DNAJC6: variants seen among roughly 807,000 people sequenced by gnomAD.
DNAJC6 encodes DnaJ heat shock protein family (Hsp40) member C6.
A neutral mutation model predicts 110.0 loss-of-function variants in DNAJC6; 34 were observed. The observed-to-expected ratio is 0.31, with a 90% CI of 0.24 to 0.41. The LOEUF is 0.41. DNAJC6 is among the 10% of genes least tolerant of loss of function. The pLI is 1.00. For synonymous variants in DNAJC6, 406 were observed against 437.2 expected (o/e 0.93, Z 0.89); for missense variants, 1,031 against 1,207.8 (o/e 0.85, Z 2.17).
chr1:65,399,509 T>G (rs1417442331), intron 14 of DNAJC6, among the ~76,000 whole-genome samples: 5 of 152,108 alleles, frequency 3.3e-5, no homozygotes, highest in Admixed American at 2.6e-4. Flanking sequence ...TCTGAAGCAG[T>G]TGCTGTTTCC....
chr1:65,344,913 C>G (rs1645423441), intron 1 of DNAJC6, among the ~76,000 whole-genome samples: 3 of 152,138 alleles, frequency 2.0e-5, no homozygotes, highest in Admixed American at 6.5e-5. Flanking sequence ...GTATACATTT[C>G]AAATCCCCAT....
upstream of DNAJC6, among the ~76,000 whole-genome samples, chr1:65,307,018 C>CTCTCTCTATATATA (rs1465563773): frequency 4.2e-5 from 3 of 70,696 alleles, no homozygotes; most frequent in African/African-American, 1.6e-4. Flanking sequence ...CTCTCTCTCT[C>CTCTCTCTATATATA]TATATATATA....
chr1:65,358,957 A>G (rs1469925374), intron 1 of DNAJC6, among the ~76,000 whole-genome samples: 1 of 152,204 alleles, frequency 6.6e-6, no homozygotes, highest in Non-Finnish European at 1.5e-5. Context: ...CTGAATAAGC[A>G]TATGAGGGGA....
chr1:65,392,880 G>T lies in DNAJC6; in HGVS notation c.1903+15G>T. 6.7e-7 allele frequency: 1 copy of T among 1,492,490 alleles called. No individual in the cohort carries two copies. The allele number at this position is 1,492,490 out of a possible 1,614,324, so 92.5% of individuals were successfully genotyped here. A position where few individuals can be genotyped will look rare whatever the true frequency, so the allele number is the denominator to read the frequency against. On this transcript the variant is annotated intron_variant, in intron 12 of 18. Coordinates refer to ENST00000371069, the MANE Select transcript of DNAJC6 (RefSeq NM_001256864.2). ...AGTGGGAGAAGGTAATTTTTTCTAT[G>T]TTGCACTGTGCCTCTCAGATTTGAA...
In DNAJC6 at chr1:65,366,167, T is replaced by A; in HGVS notation, c.514T>A (p.Ser172Thr). Residue 172 changes from serine (S) to threonine (T), a missense_variant, in exon 4 of 19, where the codon TCT (serine) becomes ACT (threonine). Transcript: ENST00000371069. ...HYTVYNLSPK[S>T]YRTAKFHSRV... The stretch of plus-strand genomic sequence containing the variant: ...CACAGTATACAATCTGTCACCTAAG[T>A]CTTATCGAACTGCCAAGTTTCACAG... The A allele has an allele frequency of 1.2e-6, 2 of 1,613,686 alleles. No homozygotes were observed. The highest frequency in any genetic ancestry group is 1.7e-6 in the Non-Finnish European group (2 of 1,179,744).
chr1:65,284,898 G>A (rs956659886), intron 1 of DNAJC6, among the ~76,000 whole-genome samples: 14 of 151,980 alleles, frequency 9.2e-5, no homozygotes, highest in Non-Finnish European at 2.1e-4. Context: ...ACGTTGGCCA[G>A]GCTGGTCTCG....
At chr1:65,312,878 C>T (rs1015960999) in intron 1 of DNAJC6, among the ~76,000 whole-genome samples, 2 of 152,142 alleles carry the variant, frequency 1.3e-5, no homozygotes, top group African/African-American at 4.8e-5. Flanking sequence ...CAGCTCATTG[C>T]AACCTCCACC....
intron 1 of DNAJC6, among the ~76,000 whole-genome samples, chr1:65,268,487 T>G (rs986738027): frequency 4.6e-5 from 7 of 152,222 alleles, no homozygotes; most frequent in African/African-American, 1.4e-4. Flanking sequence ...TGAAAAGCTC[T>G]CTGGGAGGTG....
chr1:65,388,308 G>A (rs1645891724), intron 8 of DNAJC6, 28 bp from the exon 9 acceptor site: 1 of 1,592,676 alleles, frequency 6.3e-7, no homozygotes, highest in Non-Finnish European at 8.6e-7. Flanking sequence ...CTGATTGATT[G>A]TAATGTGCTT....
At chr1:65,353,530 A>G (rs190663784) in intron 1 of DNAJC6, among the ~76,000 whole-genome samples, 1 of 152,210 alleles carries the variant, frequency 6.6e-6, no homozygotes, top group Non-Finnish European at 1.5e-5. Flanking sequence ...TGTTACATCC[A>G]TTTGACTGGA....
At chr1:65,362,075 A>C (rs1179793913) in intron 1 of DNAJC6, among the ~76,000 whole-genome samples, 1 of 149,626 alleles carries the variant, frequency 6.7e-6, no homozygotes, top group Non-Finnish European at 1.5e-5. Context: ...ATGGAATACA[A>C]GTTTGAAGAA....
upstream of DNAJC6, among the ~76,000 whole-genome samples, chr1:65,307,018 CTATATATATATATA>C (rs71056097): frequency 1.4e-5 from 1 of 70,704 alleles, no homozygotes; most frequent in Non-Finnish European, 2.8e-5. Context: ...CTCTCTCTCT[CTATATATATATATA>C]TATATATATG....
chr1:65,277,384 G>T (rs1452899077), intron 1 of DNAJC6, among the ~76,000 whole-genome samples: 1 of 151,964 alleles, frequency 6.6e-6, no homozygotes, highest in Admixed American at 6.6e-5. Flanking sequence ...TTCTGAGTCT[G>T]GTTCTCCATT....
chr1:65,414,685 A>T lies in DNAJC6; in HGVS notation c.*1660A>T, dbSNP rs555843311. 6.5e-5 allele frequency: 10 copies of T among 152,778 alleles called. No individual in the cohort carries two copies. In the East Asian group the frequency reaches 1.7e-3, roughly 26 times the overall value. 9.5% of individuals were successfully genotyped at this position (152,778 alleles called of 1,614,324 possible). ...GAAAATGTTCTCTTTTTAAATATAC[A>T]GTCATAAACTGTTCAAGGTAACCAT... On this transcript the variant is annotated 3_prime_UTR_variant, in exon 19 of 19. Coordinates refer to ENST00000371069, the MANE Select transcript of DNAJC6 (RefSeq NM_001256864.2).
intron 1 of DNAJC6, among the ~76,000 whole-genome samples, chr1:65,312,182 C>G (rs1490536524): frequency 6.6e-6 from 1 of 152,186 alleles, no homozygotes; most frequent in South Asian, 2.1e-4. Flanking sequence ...GAAGAGGCTG[C>G]AGGGATTCCT....
intron 1 of DNAJC6, among the ~76,000 whole-genome samples, chr1:65,299,698 T>C (rs1644959850): frequency 6.6e-6 from 1 of 152,156 alleles, no homozygotes; most frequent in Non-Finnish European, 1.5e-5. Flanking sequence ...TTAGAGGTTA[T>C]CAAATTTGTC....
At chr1:65,375,697 A>C (rs1645758550) in intron 4 of DNAJC6, among the ~76,000 whole-genome samples, 1 of 152,230 alleles carries the variant, frequency 6.6e-6, no homozygotes, top group Non-Finnish European at 1.5e-5. Context: ...AAGTGCTGGG[A>C]TTACAGGCGT....
At chr1:65,298,545 T>C (rs1006790604) in intron 1 of DNAJC6, among the ~76,000 whole-genome samples, 1 of 152,120 alleles carries the variant, frequency 6.6e-6, no homozygotes, top group Non-Finnish European at 1.5e-5. Context: ...GGAATTTGCT[T>C]AACGGTAGTA....
chr1:65,364,670 G>A lies in DNAJC6; in HGVS notation c.229G>A (p.Gly77Arg). The A allele has an allele frequency of 1.2e-6, 2 of 1,612,770 alleles. No individual in the cohort carries two copies. The highest frequency in any genetic ancestry group is 1.7e-6 in the Non-Finnish European group (2 of 1,179,488). ...SSPDMEPSYGGGLFDMVKGGA... is the reference protein window; with the variant it reads ...SSPDMEPSYGRGLFDMVKGGA... ...TCCAGACATGGAGCCCAGCTATGGG[G>A]GAGGTCTCTTTGACATGGTAAAAGG... The change falls in exon 2 of 19, where the codon GGA becomes AGA. Residue 77 changes from glycine to arginine, a missense_variant. Physicochemically the swap from Gly to Arg is moderately radical, Grantham distance 125 (BLOSUM62 -2). Coordinates refer to ENST00000371069, the MANE Select transcript of DNAJC6 (RefSeq NM_001256864.2).
Sources: allele counts gnomAD v4.1 joint callset (sites outside exome capture counted in the v4.1 genomes callset), GRCh38; gene constraint gnomAD v4.1.1; transcripts MANE v1.5; gene names NCBI Gene and HGNC (gene_info 2026-07-23, HGNC 2026-07-21).